Variants in RANBP2 observed in about 807,000 individuals in gnomAD.
RANBP2 encodes the protein E3 SUMO-protein ligase RanBP2.
In RANBP2, 57 loss-of-function variants were observed where a neutral mutation model predicts 303.6. That is an observed-to-expected ratio of 0.19 (90% CI 0.15 to 0.23). The LOEUF (loss-of-function observed/expected upper bound fraction) is 0.23, where lower values mean the gene tolerates loss of function less well. Ranked by LOEUF, RANBP2 falls within the 10% of genes least tolerant of loss-of-function variation. The pLI, the probability that RANBP2 is intolerant of heterozygous loss-of-function variation, is 1.00. For missense variants in RANBP2, 3,138 were observed against 3,780.8 expected, an observed-to-expected ratio of 0.83 and a Z score of 4.46; for synonymous variants, 1,167 against 1,301.5, an observed-to-expected ratio of 0.90 and a Z score of 2.23.
the RANBP2 span, among the ~76,000 whole-genome samples, chr2:109,553,784 G>A: frequency 1.1e-4 from 17 of 151,760 alleles, no homozygotes; most frequent in Non-Finnish European, 2.2e-4. Context: ...AGCCTAGGAG[G>A]TGAAGGTTGC....
At chr2:109,545,710 G>C in the RANBP2 span, 1 of 1,453,462 alleles carries the variant, frequency 6.9e-7, no homozygotes, top group Non-Finnish European at 9.0e-7. Context: ...TAGGTCAGCA[G>C]CCATTAGCTG....
chr2:108,794,278 A>G, the RANBP2 span, among the ~76,000 whole-genome samples: 1 of 152,128 alleles, frequency 6.6e-6, no homozygotes, highest in Non-Finnish European at 1.5e-5. Flanking sequence ...GTGTCTTTTT[A>G]TATCCTTTAA....
the RANBP2 span, among the ~76,000 whole-genome samples, chr2:109,270,464 C>T: frequency 6.6e-6 from 1 of 152,302 alleles, no homozygotes; most frequent in East Asian, 1.9e-4. Flanking sequence ...CTTGTTTCCA[C>T]TGCCTGAGCT....
At chr2:108,888,537 T>G in the RANBP2 span, among the ~76,000 whole-genome samples, 2 of 152,074 alleles carry the variant, frequency 1.3e-5, no homozygotes, top group Non-Finnish European at 2.9e-5. Context: ...TGATTCAATC[T>G]TGGTAGGTTT....
chr2:109,477,613 GGTGTGTGTGTGT>G, the RANBP2 span, among the ~76,000 whole-genome samples: 3 of 149,352 alleles, frequency 2.0e-5, no homozygotes, highest in African/African-American at 4.9e-5. Flanking sequence ...GCCACAGATG[GGTGTGTGTGTGT>G]GTGTGTGTGT....
At chr2:108,946,488 T>C in the RANBP2 span, among the ~76,000 whole-genome samples, 1 of 152,184 alleles carries the variant, frequency 6.6e-6, no homozygotes, top group African/African-American at 2.4e-5. Flanking sequence ...ACACATATTT[T>C]ACATACTAAA....
the RANBP2 span, among the ~76,000 whole-genome samples, chr2:109,723,593 C>T: frequency 4.0e-5 from 6 of 151,592 alleles, no homozygotes; most frequent in Non-Finnish European, 8.9e-5. Flanking sequence ...CTGTTTATAT[C>T]CTTTGCCTAC....
chr2:108,742,489 A>G (rs1696191421), intron 7 of RANBP2, among the ~76,000 whole-genome samples: 1 of 151,952 alleles, frequency 6.6e-6, no homozygotes, highest in African/African-American at 2.4e-5. Flanking sequence ...ATTTTTTAAT[A>G]GAGACGGGGT....
At chr2:108,960,574 G>A in the RANBP2 span, among the ~76,000 whole-genome samples, 49 of 152,284 alleles carry the variant, frequency 3.2e-4, no homozygotes, top group Non-Finnish European at 6.3e-4. Context: ...CTTCCACCAC[G>A]CTGGCTCTGT....
the RANBP2 span, among the ~76,000 whole-genome samples, chr2:109,269,937 A>C: frequency 6.6e-6 from 1 of 152,224 alleles, no homozygotes; most frequent in East Asian, 1.9e-4. Flanking sequence ...ACTACTACTA[A>C]TAAGCTGGTT....
At chr2:109,608,033 T>C in the RANBP2 span, among the ~76,000 whole-genome samples, 1 of 152,264 alleles carries the variant, frequency 6.6e-6, no homozygotes, top group Non-Finnish European at 1.5e-5. Context: ...AACTAGCTAC[T>C]AATTTGTCAG....
intron 9 of RANBP2, 113 bp downstream of exon 9, chr2:108,749,242 G>A (rs1177172558): frequency 6.5e-7 from 1 of 1,542,328 alleles, no homozygotes; most frequent in African/African-American, 1.4e-5. Context: ...TTTTGTGTGT[G>A]GGTTGGGCTG....
At chr2:109,540,058 T>C in the RANBP2 span, among the ~76,000 whole-genome samples, 17 of 152,134 alleles carry the variant, frequency 1.1e-4, no homozygotes, top group African/African-American at 3.9e-4. Flanking sequence ...GATTGCTGGG[T>C]TGTATGGTGC....
the RANBP2 span, among the ~76,000 whole-genome samples, chr2:109,435,430 G>T: frequency 6.6e-6 from 1 of 152,246 alleles, no homozygotes; most frequent in Non-Finnish European, 1.5e-5. Context: ...ACTCCTTCCT[G>T]CATAGACCTG....
the RANBP2 span, among the ~76,000 whole-genome samples, chr2:109,654,378 C>G: frequency 6.6e-6 from 1 of 151,908 alleles, no homozygotes; most frequent in African/African-American, 2.4e-5. Context: ...CACGGAAATT[C>G]TCAATTTCTT....
the RANBP2 span, among the ~76,000 whole-genome samples, chr2:109,300,828 T>G: frequency 6.6e-6 from 1 of 152,200 alleles, no homozygotes; most frequent in Non-Finnish European, 1.5e-5. Flanking sequence ...CCACAGTCTT[T>G]GCCTTCCAAG....
At chr2:108,756,857 C>G (rs1382131747) in intron 17 of RANBP2, among the ~76,000 whole-genome samples, 6 of 152,156 alleles carry the variant, frequency 3.9e-5, no homozygotes, top group Non-Finnish European at 7.3e-5. Context: ...ATTGCAAATT[C>G]AAAGCTCTGG....
chr2:109,083,914 C>G, the RANBP2 span, among the ~76,000 whole-genome samples: 2 of 152,178 alleles, frequency 1.3e-5, no homozygotes, highest in African/African-American at 4.8e-5. Flanking sequence ...CAAACCCCAC[C>G]CGGTCCAGTA....
the RANBP2 span, among the ~76,000 whole-genome samples, chr2:109,149,324 G>C: frequency 6.6e-6 from 1 of 152,198 alleles, no homozygotes; most frequent in African/African-American, 2.4e-5. Context: ...TCTTTGGCTT[G>C]ACTTGAGCTC....
Sources: gnomAD v4.1 joint callset for allele counts (sites outside exome capture counted in the v4.1 genomes callset) on GRCh38, gnomAD v4.1.1 for gene constraint, MANE v1.5 for transcripts, NCBI Gene and HGNC (gene_info 2026-07-23, HGNC 2026-07-21) for gene names.